SLC31A1: variants seen among roughly 807,000 people sequenced by gnomAD.
SLC31A1 encodes the protein solute carrier family 31 member 1, also known as high affinity copper uptake protein 1.
SLC31A1 carries 5 observed loss-of-function variants against 17.2 expected under a neutral mutation model. The observed-to-expected ratio is 0.29, with a 90% confidence interval of 0.15 to 0.61. The LOEUF is 0.61. Ranked by LOEUF, SLC31A1 falls within the 20% of genes least tolerant of loss-of-function variation. The pLI is 0.86. For missense variants in SLC31A1, 161 were observed against 241.4 expected (o/e 0.67, Z 2.21); for synonymous variants, 76 against 78.8 (o/e 0.96, Z 0.19).
chr9:113,223,947 A>G (rs1831314369), intron 1 of SLC31A1, among the ~76,000 whole-genome samples: 1 of 152,248 alleles, frequency 6.6e-6, no homozygotes, highest in African/African-American at 2.4e-5. Context: ...TAGTTGGTTA[A>G]CTGAAGAAGT....
chr9:113,253,206 C>G (rs1038316073), intron 1 of SLC31A1, among the ~76,000 whole-genome samples: 1 of 152,024 alleles, frequency 6.6e-6, no homozygotes, highest in East Asian at 1.9e-4. Context: ...CCGCCTGCCT[C>G]GGCCTCCCAA....
chr9:113,223,148 C>A, intron 1 of SLC31A1: 1 of 370,838 alleles, frequency 2.7e-6, no homozygotes, highest in Non-Finnish European at 5.5e-6. Flanking sequence ...GTTTAAGTAG[C>A]TTTTGTAGGT....
chr9:113,256,324 G>A (rs754266854), intron 2 of SLC31A1, 47 bp downstream of exon 2: 19 of 1,605,594 alleles, frequency 1.2e-5, no homozygotes, highest in Non-Finnish European at 3.4e-6. Context: ...CACCCACTTG[G>A]GTAATAGAAA....
intron 1 of SLC31A1, among the ~76,000 whole-genome samples, chr9:113,240,761 A>T (rs537569963): frequency 6.6e-6 from 1 of 152,202 alleles, no homozygotes; most frequent in African/African-American, 2.4e-5. Flanking sequence ...GCTGAATTTT[A>T]TTGAGGGGCC....
Position 113,258,981 on chromosome 9 carries a change from T to C in SLC31A1, c.371+119T>C. The C allele has an allele frequency of 9.5e-7, 1 of 1,050,708 alleles. No homozygotes were observed. Among genetic ancestry groups the C allele is most frequent in the East Asian group, 2.4e-5 (1 of 41,198 alleles). The allele number at this position is 1,050,708 out of a possible 1,614,324, so 65.1% of individuals were successfully genotyped here. The stretch of plus-strand genomic sequence containing the variant: ...AGTTAGGAGTTCTGTATGACCTTGA[T>C]CAAAACTGTCCTTGGAGGTTTGGGT... On this transcript the variant is annotated intron_variant, in intron 4 of 4. Coordinates refer to ENST00000374212, the MANE Select transcript of SLC31A1 (RefSeq NM_001859.4). This position sits in a 1 kb window ranked among gnomAD's most constrained non-coding sequence, Gnocchi z 4.8.
At chr9:113,224,015 C>T (rs1407421963) in intron 1 of SLC31A1, among the ~76,000 whole-genome samples, 1 of 152,230 alleles carries the variant, frequency 6.6e-6, no homozygotes, top group East Asian at 1.9e-4. Context: ...TTAACGAACA[C>T]ATAAACATTC....
intron 1 of SLC31A1, among the ~76,000 whole-genome samples, chr9:113,247,293 T>A (rs1271048191): frequency 6.6e-6 from 1 of 152,188 alleles, no homozygotes; most frequent in African/African-American, 2.4e-5. Context: ...TTCTTCCTTA[T>A]CATGGAAGCC....
At position 113,256,166 on chromosome 9, in the gene SLC31A1, T is replaced by C; in HGVS notation, c.18T>C (p.His6=). 2 of 1,612,430 alleles carry C rather than the reference T, an allele frequency of 1.2e-6. No individual in the cohort carries two copies. The highest frequency in any genetic ancestry group is 2.2e-5 in the South Asian group (2 of 90,998). ...TGGAAAAAATGGATCATTCCCACCA[T>C]ATGGGGATGAGCTATATGGACTCCA... MDHSH[H]MGMSYMDSNS... is the part of the protein sequence containing the mutation. The change falls in exon 2 of 5, where the codon CAT becomes CAC. Residue 6 remains histidine, a synonymous_variant. Transcript: ENST00000374212.
chr9:113,250,675 T>G (rs964774680), intron 1 of SLC31A1, among the ~76,000 whole-genome samples: 1 of 120,024 alleles, frequency 8.3e-6, no homozygotes, highest in South Asian at 2.6e-4. Context: ...ACTTAAAGTA[T>G]AAAAAAAAAA....
At chr9:113,222,645 T>TC (rs2118977323) in intron 1 of SLC31A1, among the ~76,000 whole-genome samples, 1 of 152,242 alleles carries the variant, frequency 6.6e-6, no homozygotes, top group East Asian at 1.9e-4. Flanking sequence ...GATTGGTAGC[T>TC]CCCTCCCAGA....
intron 1 of SLC31A1, among the ~76,000 whole-genome samples, chr9:113,230,605 T>C (rs1276717914): frequency 3.9e-5 from 6 of 152,188 alleles, no homozygotes; most frequent in Admixed American, 1.3e-4. Context: ...ATTTATGGGG[T>C]ACAGTGTGAT....
chr9:113,257,840 C>G (rs1831745674), intron 3 of SLC31A1, among the ~76,000 whole-genome samples: 1 of 152,114 alleles, frequency 6.6e-6, no homozygotes, highest in South Asian at 2.1e-4. Context: ...AAGACTAACT[C>G]AAATTAAGTA....
rs181297768 is a variant in SLC31A1, at chr9:113,234,221, G to A, written c.-36+12543G>A. Among the ~76,000 whole-genome samples, 132 of 151,522 alleles carry A rather than the reference G, an allele frequency of 8.7e-4. 1 individual carries two copies. The highest frequency in any genetic ancestry group is 3.1e-3 in the African/African-American group (128 of 41,320). Reference sequence around the variant, plus strand: ...TTGACTTTTTTTTTTTATTTTTTGAGACTGAGTCTTGCTCTGTCACCCAGG... The same window carrying A: ...TTGACTTTTTTTTTTTATTTTTTGAAACTGAGTCTTGCTCTGTCACCCAGG... On this transcript the variant is annotated intron_variant, in intron 1 of 4. Coordinates refer to ENST00000374212, the MANE Select transcript of SLC31A1 (RefSeq NM_001859.4).
chr9:113,254,848 G>A (rs888947711), intron 1 of SLC31A1, among the ~76,000 whole-genome samples: 2 of 151,292 alleles, frequency 1.3e-5, no homozygotes, highest in Non-Finnish European at 2.9e-5. Context: ...GCAGTGAGCC[G>A]AGATCACACC....
Position 113,262,803 on chromosome 9 carries a change from T to C in SLC31A1, c.*2330T>C, listed in dbSNP as rs1381609073. ...TAGGAATCAATAGTTAGTAGTGACA[T>C]TGGTGCTCTCTAGAAATCTCAGCAT... is the stretch of plus-strand genomic sequence containing the variant. On this transcript the variant is annotated 3_prime_UTR_variant, in exon 5 of 5. Transcript: ENST00000374212. The C allele has an allele frequency of 1.1e-4, 17 of 152,658 alleles. No individual in the cohort carries two copies. Among genetic ancestry groups the C allele is most frequent in the Admixed American group, 1.0e-3 (16 of 15,278 alleles). 9.5% of individuals were successfully genotyped at this position (152,658 alleles called of 1,614,324 possible).
intron 1 of SLC31A1, among the ~76,000 whole-genome samples, chr9:113,252,849 A>G (rs1831670891): frequency 6.6e-6 from 1 of 150,434 alleles, no homozygotes; most frequent in Admixed American, 6.6e-5. Context: ...CATTTTTCAG[A>G]CTCTCATTGG....
intron 1 of SLC31A1, among the ~76,000 whole-genome samples, chr9:113,237,544 GGA>G (rs1831475447): frequency 6.6e-6 from 1 of 152,162 alleles, no homozygotes; most frequent in African/African-American, 2.4e-5. Context: ...CATAAAGACA[GGA>G]GATAGTTGGA....
chr9:113,253,126 TTG>T (rs1243977693), intron 1 of SLC31A1, among the ~76,000 whole-genome samples: 2 of 151,960 alleles, frequency 1.3e-5, no homozygotes, highest in Non-Finnish European at 2.9e-5. Context: ...GCTAATTTTT[TTG>T]TGTTTTTAGT....
At chr9:113,223,389 C>A in intron 1 of SLC31A1, 1 of 337,122 alleles carries the variant, frequency 3.0e-6, no homozygotes, top group Admixed American at 3.9e-5. Context: ...ATTGGTAATA[C>A]TGGACTAGGA....
Sources: gnomAD v4.1 joint callset for allele counts (sites outside exome capture counted in the v4.1 genomes callset) on GRCh38, gnomAD v4.1.1 for gene constraint, Gnocchi (gnomAD v3.1) non-coding constraint, MANE v1.5 for transcripts, NCBI Gene and HGNC (gene_info 2026-07-23, HGNC 2026-07-21) for gene names.